The following BRPF3 variants were observed in gnomAD, a reference collection of about 807,000 sequenced individuals.
The protein encoded by BRPF3 is bromodomain and PHD finger-containing protein 3.
BRPF3 carries 18 observed loss-of-function variants against 102.0 expected under a neutral mutation model. That is an observed-to-expected ratio of 0.18 (90% confidence interval 0.12 to 0.26). The LOEUF (loss-of-function observed/expected upper bound fraction) is 0.26, where lower values mean the gene tolerates loss of function less well. BRPF3 is among the 10% of genes least tolerant of loss of function. BRPF3 has a pLI of 1.00. For synonymous variants in BRPF3, 570 were observed against 614.2 expected (o/e 0.93, Z 1.06); for missense variants, 1,147 against 1,567.8 (o/e 0.73, Z 4.53).
chr6:36,207,411 G>T lies in BRPF3; in HGVS notation c.1704G>T (p.Leu568=). The T allele has an allele frequency of 6.2e-7, 1 of 1,614,064 alleles. No homozygotes were observed. The highest frequency in any genetic ancestry group is 8.5e-7 in the Non-Finnish European group (1 of 1,179,968). Residue 568 remains leucine (L), a synonymous_variant, in exon 4 of 13, where the codon CTG becomes CTT. Coordinates refer to ENST00000357641, the MANE Select transcript of BRPF3 (RefSeq NM_015695.3). The part of the protein sequence containing the change: ...DLERARLLIE[L]IRKREKLKRE... Reference sequence around the variant, plus strand: ...AGCGGGCGCGGCTGCTGATTGAGCTGATTCGGAAGAGAGAGAAGCTCAAAC... The same window carrying T: ...AGCGGGCGCGGCTGCTGATTGAGCTTATTCGGAAGAGAGAGAAGCTCAAAC...
In BRPF3 at chr6:36,201,581, A is replaced by G. The variant is rs367822135; in HGVS notation, c.1259A>G (p.Glu420Gly). 4 of 1,613,762 alleles carry G rather than the reference A, an allele frequency of 2.5e-6. No individual in the cohort carries two copies. In the African/African-American group the frequency reaches 5.3e-5, roughly 22 times the overall value. Reference sequence around the variant, plus strand: ...GGGCTGAAGGAGGGTGATGGAGAGGAGGAAGAAGAGGAAGAGGTGGAGGAA... The same window carrying G: ...GGGCTGAAGGAGGGTGATGGAGAGGGGGAAGAAGAGGAAGAGGTGGAGGAA... The part of the protein sequence containing the change: ...EEGLKEGDGE[E>G]EEEEEVEEEE... The change falls in exon 2 of 13, where the codon GAG becomes GGG. Residue 420 changes from glutamate to glycine, a missense_variant. Physicochemically the swap from Glu to Gly is moderately conservative, Grantham distance 98 (BLOSUM62 -2). Transcript: ENST00000357641. The surrounding 1 kb of genome is among the most constrained non-coding windows in gnomAD (Gnocchi z 5.1).
At chr6:36,212,321 C>T (rs370881041) in intron 7 of BRPF3, among the ~76,000 whole-genome samples, 8 of 152,186 alleles carry the variant, frequency 5.3e-5, no homozygotes, top group African/African-American at 1.7e-4. Flanking sequence ...GGGCCTGTCA[C>T]GCACACAGTC....
intron 9 of BRPF3, among the ~76,000 whole-genome samples, chr6:36,220,958 C>T (rs1186764966): frequency 6.6e-6 from 1 of 152,274 alleles, no homozygotes. Context: ...CTAGGGGTTT[C>T]TTTAAGCATT....
rs1408324382 is a variant in BRPF3 at position 36,201,690 on chromosome 6, C to G, written c.1368C>G (p.Ile456Met). Residue 456 changes from isoleucine to methionine, a missense_variant, in exon 2 of 13, where the codon ATC becomes ATG. By Grantham distance (10) the Ile-to-Met change is conservative (BLOSUM62 1). Coordinates refer to ENST00000357641, the MANE Select transcript of BRPF3 (RefSeq NM_015695.3). The surrounding 1 kb of genome is among the most constrained non-coding windows in gnomAD (Gnocchi z 5.1). The stretch of plus-strand genomic sequence containing the variant: ...GCAAGATGAGTTTGAAGCAGAAGAT[C>G]AAGAAGGAGCCAGAGGAAGCAGGCC... The part of the protein sequence containing the change: ...KKSKMSLKQK[I>M]KKEPEEAGQD... 1 of 1,614,050 alleles carries G rather than the reference C, an allele frequency of 6.2e-7. No individual in the cohort carries two copies. Among genetic ancestry groups the G allele is most frequent in the Admixed American group, 1.7e-5 (1 of 60,000 alleles).
chr6:36,207,873 C>T (rs1026848661), intron 4 of BRPF3, among the ~76,000 whole-genome samples: 10 of 152,178 alleles, frequency 6.6e-5, no homozygotes, highest in African/African-American at 2.4e-4. Flanking sequence ...TTCTGTTTCT[C>T]CTCTGTTCTA....
chr6:36,230,507 G>T lies in BRPF3; in HGVS notation c.3516G>T (p.Lys1172Asn). The T allele has an allele frequency of 6.2e-7, 1 of 1,614,206 alleles. No individual in the cohort carries two copies. Among genetic ancestry groups the T allele is most frequent in the South Asian group, 1.1e-5 (1 of 91,082 alleles). ...VDKLKMLEGR[K>N]TSIRKSVQVA... is the part of the protein sequence containing the mutation. Reference sequence around the variant, plus strand: ...AGCTCAAGATGCTGGAAGGCCGCAAGACCAGCATCCGCAAGTCAGTGCAGG... The same window carrying T: ...AGCTCAAGATGCTGGAAGGCCGCAATACCAGCATCCGCAAGTCAGTGCAGG... The change falls in exon 13 of 13, where the codon AAG becomes AAT. Residue 1172 changes from lysine to asparagine, a missense_variant. Physicochemically the swap from Lys to Asn is moderately conservative, Grantham distance 94. This residue lies in a region of BRPF3 where 85 missense variants were observed against 172.9 expected (regional missense o/e 0.49). Coordinates refer to ENST00000357641, the MANE Select transcript of BRPF3 (RefSeq NM_015695.3). This position sits in a 1 kb window ranked among gnomAD's most constrained non-coding sequence, Gnocchi z 5.4.
intron 7 of BRPF3, among the ~76,000 whole-genome samples, chr6:36,212,781 G>A (rs947261331): frequency 3.3e-5 from 5 of 151,586 alleles, no homozygotes; most frequent in African/African-American, 7.3e-5. Context: ...GTGAAACCCC[G>A]TCTCTACTAA....
chr6:36,218,402 C>T (rs1463957884), intron 9 of BRPF3, among the ~76,000 whole-genome samples: 1 of 151,948 alleles, frequency 6.6e-6, no homozygotes, highest in South Asian at 2.1e-4. Context: ...GCGTCATAGC[C>T]TCTTTATAGA....
chr6:36,211,322 G>A lies in BRPF3; in HGVS notation c.2244G>A (p.Leu748=), dbSNP rs201520465. 8.7e-6 allele frequency: 14 copies of A among 1,614,256 alleles called. No homozygotes were observed. Among genetic ancestry groups the A allele is most frequent in the Non-Finnish European group, 1.1e-5 (13 of 1,180,046 alleles). Residue 748 remains leucine (L), a synonymous_variant, in exon 7 of 13, where the codon CTG becomes CTA. Transcript: ENST00000357641. ...CCCCAGAGGTGCAGCTGAAGGAGCT[G>A]CTGGAGAAACTGGACCTGGTGAGCG... The part of the protein sequence containing the change: ...HLSPEVQLKE[L]LEKLDLVSAM...
At chr6:36,227,389 G>T (rs1291453809) in intron 11 of BRPF3, among the ~76,000 whole-genome samples, 2 of 152,154 alleles carry the variant, frequency 1.3e-5, no homozygotes, top group Non-Finnish European at 2.9e-5. Context: ...TCATATTATA[G>T]TTGTAATAAT....
chr6:36,228,818 G>C, intron 11 of BRPF3, 84 bp from the exon 12 acceptor site: 1 of 1,499,108 alleles, frequency 6.7e-7, no homozygotes, highest in African/African-American at 1.4e-5. Flanking sequence ...CCTGGTGTGG[G>C]TGCTTCAGCA....
At chr6:36,225,774 T>G (rs1454784372) in intron 11 of BRPF3, among the ~76,000 whole-genome samples, 1 of 152,216 alleles carries the variant, frequency 6.6e-6, no homozygotes, top group Non-Finnish European at 1.5e-5. Flanking sequence ...GTCATTCAGC[T>G]AATAAATGAC....
chr6:36,198,537 T>C (rs1767588008), intron 1 of BRPF3, among the ~76,000 whole-genome samples: 1 of 152,164 alleles, frequency 6.6e-6, no homozygotes, highest in Admixed American at 6.5e-5. Flanking sequence ...TTACGTTGAG[T>C]GACATCTTTC....
chr6:36,210,692 C>A lies in BRPF3; in HGVS notation c.2179+164C>A, dbSNP rs1768074817. 6.6e-6 allele frequency among the ~76,000 whole-genome samples: 1 copy of A among 152,152 alleles called. No homozygotes were observed. Among genetic ancestry groups the A allele is most frequent in the Non-Finnish European group, 1.5e-5 (1 of 68,032 alleles). The stretch of plus-strand genomic sequence containing the variant: ...GTATACCTTTGTGGCTAGAATAGTT[C>A]TAAGGGTTAAAGTTTAACTAATGTA... On this transcript the variant is annotated intron_variant, in intron 6 of 12. Transcript: ENST00000357641. This position sits in a 1 kb window ranked among gnomAD's most constrained non-coding sequence, Gnocchi z 4.7.
chr6:36,209,941 G>A, intron 5 of BRPF3, 26 bp downstream of exon 5: 1 of 1,612,774 alleles, frequency 6.2e-7, no homozygotes, highest in Non-Finnish European at 8.5e-7. Flanking sequence ...TTTCCAAGTA[G>A]TAAATTCTTC....
At chr6:36,223,622 G>A (rs1168135459) in intron 10 of BRPF3, among the ~76,000 whole-genome samples, 1 of 150,942 alleles carries the variant, frequency 6.6e-6, no homozygotes, top group East Asian at 1.9e-4. Flanking sequence ...ATTTTTTTTT[G>A]TACTTTCTTC....
intron 8 of BRPF3, among the ~76,000 whole-genome samples, chr6:36,217,148 A>G (rs983777974): frequency 2.6e-5 from 4 of 152,244 alleles, no homozygotes; most frequent in South Asian, 2.1e-4. Flanking sequence ...GCTCCCCACT[A>G]TAAACAGACC....
At chr6:36,198,024 C>T (rs758880695) in intron 1 of BRPF3, among the ~76,000 whole-genome samples, 16 of 152,198 alleles carry the variant, frequency 1.1e-4, no homozygotes, top group Middle Eastern at 3.4e-3. Flanking sequence ...TCTAGGGCCT[C>T]GGTGCCTTTG....
intron 10 of BRPF3, among the ~76,000 whole-genome samples, chr6:36,223,612 A>G (rs1046470345): frequency 2.0e-5 from 3 of 151,214 alleles, no homozygotes; most frequent in Non-Finnish European, 3.0e-5. Context: ...ACTTTTTTCA[A>G]TTTTTTTTTG....
Sources: gnomAD v4.1 joint callset for allele counts (sites outside exome capture counted in the v4.1 genomes callset) on GRCh38, gnomAD v4.1.1 for gene constraint, gnomAD v4.1.1 regional missense constraint, Gnocchi (gnomAD v3.1) non-coding constraint, MANE v1.5 for transcripts, NCBI Gene and HGNC (gene_info 2026-07-23, HGNC 2026-07-21) for gene names.